ADAM22: variants seen among roughly 807,000 people sequenced by gnomAD.
ADAM22 encodes ADAM metallopeptidase domain 22.
A neutral mutation model predicts 144.6 loss-of-function variants in ADAM22; 65 were observed. The ratio of observed to expected loss-of-function variants is 0.45; its 90% confidence interval spans 0.37 to 0.55. ADAM22 has a LOEUF of 0.55. ADAM22 is among the 20% of genes least tolerant of loss of function. The pLI, the probability that ADAM22 is intolerant of heterozygous loss-of-function variation, is 0.00. For synonymous variants in ADAM22, 391 were observed against 412.6 expected, an observed-to-expected ratio of 0.95 and a Z score of 0.63; for missense variants, 974 against 1,184.9, an observed-to-expected ratio of 0.82 and a Z score of 2.61.
intron 3 of ADAM22, among the ~76,000 whole-genome samples, chr7:87,993,802 T>C (rs975351941): frequency 1.3e-5 from 2 of 152,198 alleles, no homozygotes; most frequent in East Asian, 1.9e-4. Context: ...TTGACTCCAA[T>C]AGGTGGTATT....
chr7:88,194,613 G>A (rs954194990), intron 31 of ADAM22, among the ~76,000 whole-genome samples: 9 of 152,136 alleles, frequency 5.9e-5, no homozygotes, highest in African/African-American at 1.4e-4. Context: ...TTTCTCACTG[G>A]AGTAATCATG....
intron 2 of ADAM22, among the ~76,000 whole-genome samples, chr7:87,944,219 G>T (rs979316049): frequency 6.6e-5 from 10 of 151,928 alleles, no homozygotes; most frequent in Non-Finnish European, 1.2e-4. Context: ...GAGGTTAGGG[G>T]ATTTGAACCT....
intron 26 of ADAM22, among the ~76,000 whole-genome samples, chr7:88,176,838 C>A (rs1382404352): frequency 2.6e-5 from 4 of 152,124 alleles, no homozygotes; most frequent in Admixed American, 2.6e-4. Flanking sequence ...GATCTCGGCT[C>A]ACTGCAACCT....
intron 3 of ADAM22, among the ~76,000 whole-genome samples, chr7:88,034,476 T>A (rs956741999): frequency 1.2e-4 from 18 of 152,230 alleles, no homozygotes; most frequent in African/African-American, 4.3e-4. Flanking sequence ...GAAGTCTTTT[T>A]TGGAGCTGCA....
chr7:87,977,506 C>A (rs965490127), intron 2 of ADAM22, among the ~76,000 whole-genome samples: 1 of 152,182 alleles, frequency 6.6e-6, no homozygotes, highest in Non-Finnish European at 1.5e-5. Flanking sequence ...ACTGTAGAAA[C>A]ATAAACACGA....
chr7:87,970,617 AG>A (rs1220089762), intron 2 of ADAM22, among the ~76,000 whole-genome samples: 9 of 152,202 alleles, frequency 5.9e-5, no homozygotes, highest in African/African-American at 2.2e-4. Flanking sequence ...AGTCTTAAAA[AG>A]TTCCTTTGTG....
At chr7:88,185,940 T>C (rs1017999826) in intron 29 of ADAM22, 1 of 152,380 alleles carries the variant, frequency 6.6e-6, no homozygotes, top group Non-Finnish European at 1.5e-5. Context: ...GAAGGAACAC[T>C]GCAGCTGCAA....
At chr7:87,971,689 T>C (rs1239444593) in intron 2 of ADAM22, among the ~76,000 whole-genome samples, 1 of 152,246 alleles carries the variant, frequency 6.6e-6, no homozygotes, top group African/African-American at 2.4e-5. Context: ...TACCTTAGCC[T>C]GTGTCCCCCA....
chr7:87,977,507 A>G (rs977204309), intron 2 of ADAM22, among the ~76,000 whole-genome samples: 1 of 152,254 alleles, frequency 6.6e-6, no homozygotes, highest in Non-Finnish European at 1.5e-5. Context: ...CTGTAGAAAC[A>G]TAAACACGAA....
chr7:88,013,791 C>T (rs188714770), intron 3 of ADAM22, among the ~76,000 whole-genome samples: 2 of 152,262 alleles, frequency 1.3e-5, no homozygotes, highest in Admixed American at 1.3e-4. Flanking sequence ...TATGTTCATA[C>T]TCATAGGAAA....
intron 8 of ADAM22, among the ~76,000 whole-genome samples, chr7:88,126,006 T>C (rs1285646469): frequency 6.6e-6 from 1 of 152,002 alleles, no homozygotes; most frequent in Non-Finnish European, 1.5e-5. Flanking sequence ...TATCCTTGTA[T>C]TTATTCCCTG....
At chr7:87,984,155 G>A (rs1259104224) in intron 3 of ADAM22, among the ~76,000 whole-genome samples, 1 of 152,052 alleles carries the variant, frequency 6.6e-6, no homozygotes, top group Non-Finnish European at 1.5e-5. Flanking sequence ...GACATTCTTG[G>A]TGTAAATTAA....
At chr7:88,183,616 A>C (rs1251411459) in intron 29 of ADAM22, among the ~76,000 whole-genome samples, 1 of 152,010 alleles carries the variant, frequency 6.6e-6, no homozygotes, top group African/African-American at 2.4e-5. Flanking sequence ...AATCTTGCCT[A>C]TGAGATAATT....
At chr7:88,099,162 A>G (rs1235301476) in intron 4 of ADAM22, among the ~76,000 whole-genome samples, 1 of 152,206 alleles carries the variant, frequency 6.6e-6, no homozygotes, top group Non-Finnish European at 1.5e-5. Flanking sequence ...CTTAATTTTT[A>G]GGGGAAGATG....
chr7:88,145,591 A>G, intron 17 of ADAM22, 84 bp downstream of exon 17: 1 of 1,092,614 alleles, frequency 9.2e-7, no homozygotes, highest in South Asian at 1.4e-5. Context: ...TAATCTAATA[A>G]CAGAAATAGT....
Position 88,196,586 on chromosome 7 carries a change from C to T in ADAM22, c.*95C>T. 1 of 1,353,682 alleles carries T rather than the reference C, an allele frequency of 7.4e-7. No homozygotes were observed. The highest frequency in any genetic ancestry group is 1.1e-6 in the Non-Finnish European group (1 of 947,936). 83.9% of individuals were successfully genotyped at this position (1,353,682 alleles called of 1,614,324 possible). A position where few individuals can be genotyped will look rare whatever the true frequency, so the allele number is the denominator to read the frequency against. The stretch of plus-strand genomic sequence containing the variant: ...AATCACTGCAAATCTATCTGCTCTT[C>T]AGACAATACGAAGACCCTCTGAGAT... On this transcript the variant is annotated 3_prime_UTR_variant, in exon 32 of 32. Transcript: ENST00000413139.
rs144526403 is a variant in ADAM22 at position 88,136,893 on chromosome 7, A to T, written c.1220+862A>T. Among the ~76,000 whole-genome samples the T allele has an allele frequency of 6.6e-5, 10 of 152,216 alleles. No individual in the cohort carries two copies. The East Asian group carries it at 1.8e-3, about 27-fold the overall frequency. On this transcript the variant is annotated intron_variant, in intron 14 of 31. Transcript: ENST00000413139. ...AAGTTTAAACTAGGACAATAATGAT[A>T]AGCTTGGAATCATCATCATTAAAAA...
intron 3 of ADAM22, among the ~76,000 whole-genome samples, chr7:87,990,971 C>T (rs539198741): frequency 1.3e-5 from 2 of 152,156 alleles, no homozygotes; most frequent in East Asian, 3.9e-4. Flanking sequence ...GCCTTTCTCC[C>T]TCTTTTAAAA....
At chr7:88,164,433 T>C (rs1348406877) in intron 23 of ADAM22, among the ~76,000 whole-genome samples, 1 of 152,112 alleles carries the variant, frequency 6.6e-6, no homozygotes, top group East Asian at 1.9e-4. Flanking sequence ...TAATTATATT[T>C]GGGGTAATTT....
Sources: allele counts gnomAD v4.1 joint callset (sites outside exome capture counted in the v4.1 genomes callset), GRCh38; gene constraint gnomAD v4.1.1; transcripts MANE v1.5; gene names NCBI Gene and HGNC (gene_info 2026-07-23, HGNC 2026-07-21).